PBX1: variants seen among roughly 807,000 people sequenced by gnomAD.
PBX1 encodes pre-B-cell leukemia transcription factor 1.
Under a neutral mutation model 53.4 loss-of-function variants are expected in PBX1, and 6 were observed. The observed-to-expected ratio is 0.11, with a 90% CI of 0.06 to 0.22. The LOEUF is 0.22. PBX1 is among the 10% of genes least tolerant of loss of function. PBX1 has a pLI of 1.00. For missense variants in PBX1, 251 were observed against 551.4 expected (o/e 0.46, Z 5.46); for synonymous variants, 204 against 212.3 (o/e 0.96, Z 0.34).
chr1:164,571,232 C>T (rs1259983156), intron 2 of PBX1, among the ~76,000 whole-genome samples: 2 of 152,078 alleles, frequency 1.3e-5, no homozygotes, highest in East Asian at 3.9e-4. Context: ...AGTTAGGTGG[C>T]TTTTAGTGTA....
chr1:164,816,328 A>G (rs1038770272), intron 6 of PBX1: 2 of 152,166 alleles, frequency 1.3e-5, no homozygotes, highest in Non-Finnish European at 1.5e-5. Flanking sequence ...GCTTACATCT[A>G]GTAAAAAGGG....
chr1:164,832,757 G>C (rs1172298165), intron 8 of PBX1, among the ~76,000 whole-genome samples: 1 of 152,060 alleles, frequency 6.6e-6, no homozygotes, highest in African/African-American at 2.4e-5. Context: ...GAATAAAATT[G>C]GCAGGAGAGT....
intron 2 of PBX1, among the ~76,000 whole-genome samples, chr1:164,721,747 C>T (rs1339822257): frequency 6.6e-6 from 1 of 152,162 alleles, no homozygotes; most frequent in Admixed American, 6.5e-5. Context: ...CTTGACTCTG[C>T]CCTGTCCAGG....
chr1:164,793,951 T>C (rs1458867125), intron 3 of PBX1, among the ~76,000 whole-genome samples: 2 of 144,592 alleles, frequency 1.4e-5, no homozygotes, highest in East Asian at 2.2e-4. Context: ...CTCTGTTCAC[T>C]GCAACCTCTG....
At chr1:164,786,108 A>G (rs890909019) in intron 2 of PBX1, among the ~76,000 whole-genome samples, 2 of 152,334 alleles carry the variant, frequency 1.3e-5, no homozygotes, top group East Asian at 1.9e-4. Flanking sequence ...AAGAGAGCAC[A>G]TACAGGGAAT....
At chr1:164,738,731 G>A (rs759197924) in intron 2 of PBX1, among the ~76,000 whole-genome samples, 4 of 152,162 alleles carry the variant, frequency 2.6e-5, no homozygotes, top group Non-Finnish European at 5.9e-5. Flanking sequence ...CTGATATATA[G>A]GCTTCCTGTG....
intron 2 of PBX1, among the ~76,000 whole-genome samples, chr1:164,591,011 ATTTT>A (rs34197119): frequency 7.9e-6 from 1 of 126,946 alleles, no homozygotes; most frequent in Non-Finnish European, 1.7e-5. Flanking sequence ...CACTTGGCTA[ATTTT>A]TTTTTTTTTT....
chr1:164,744,552 G>GCT (rs1665794008), intron 2 of PBX1, among the ~76,000 whole-genome samples: 1 of 152,284 alleles, frequency 6.6e-6, no homozygotes, highest in Admixed American at 6.5e-5. Context: ...TTAAGACAGA[G>GCT]GTAGGGTCTC....
intron 2 of PBX1, among the ~76,000 whole-genome samples, chr1:164,596,447 G>T (rs1489691725): frequency 2.0e-5 from 3 of 152,176 alleles, no homozygotes; most frequent in Non-Finnish European, 4.4e-5. Flanking sequence ...TAGAGCAGTG[G>T]TTCTAACCAT....
In PBX1 at chr1:164,559,568, C is replaced by A; in HGVS notation, c.-255C>A. 2.5e-6 allele frequency: 1 copy of A among 396,100 alleles called. No individual in the cohort carries two copies. The allele number at this position is 396,100 out of a possible 1,614,324, so 24.5% of individuals were successfully genotyped here. A position where few individuals can be genotyped will look rare whatever the true frequency, so the allele number is the denominator to read the frequency against. ...CTTGCTTTTTGGAGTCAACACCCTT[C>A]CCCACCAGCCCTTATCCCCACCCTC... On this transcript the variant is annotated 5_prime_UTR_variant, in exon 1 of 9. Transcript: ENST00000420696.
At chr1:164,641,416 C>T (rs1381837539) in intron 2 of PBX1, 2 of 153,154 alleles carry the variant, frequency 1.3e-5, no homozygotes, top group East Asian at 3.9e-4. Flanking sequence ...AGGCCATTTT[C>T]CTGCTTCGGA....
At chr1:164,830,370 T>G (rs1670695952) in intron 8 of PBX1, among the ~76,000 whole-genome samples, 1 of 152,032 alleles carries the variant, frequency 6.6e-6, no homozygotes. Flanking sequence ...GAAAACAGAG[T>G]AGACTTCTTA....
At chr1:164,818,583 G>A (rs1190523813) in intron 6 of PBX1, 3 of 151,860 alleles carry the variant, frequency 2.0e-5, no homozygotes, top group African/African-American at 7.3e-5. Context: ...AAAATAGCTA[G>A]GTTTTTTTTG....
intron 2 of PBX1, among the ~76,000 whole-genome samples, chr1:164,595,183 A>G (rs1326041667): frequency 6.6e-6 from 1 of 152,230 alleles, no homozygotes; most frequent in East Asian, 1.9e-4. Flanking sequence ...TTACTCTACA[A>G]GAAATGGGAT....
At chr1:164,727,248 C>G (rs1343611296) in intron 2 of PBX1, among the ~76,000 whole-genome samples, 1 of 152,218 alleles carries the variant, frequency 6.6e-6, no homozygotes, top group Non-Finnish European at 1.5e-5. Flanking sequence ...CCCTTAATAT[C>G]TGCCTTATGA....
intron 2 of PBX1, chr1:164,590,530 G>A (rs2101768417): frequency 2.2e-6 from 1 of 454,656 alleles, no homozygotes; most frequent in East Asian, 7.0e-5. Context: ...GCCTTAATGA[G>A]GAGGACAACA....
intron 2 of PBX1, among the ~76,000 whole-genome samples, chr1:164,564,174 A>G (rs760513552): frequency 3.9e-5 from 6 of 152,166 alleles, no homozygotes; most frequent in Non-Finnish European, 7.4e-5. Context: ...GATGAGGGAC[A>G]AGGGGTGGTT....
chr1:164,641,202 A>G (rs1362062550), intron 2 of PBX1: 1 of 153,192 alleles, frequency 6.5e-6, no homozygotes, highest in African/African-American at 2.4e-5. Flanking sequence ...GACTTGTGAT[A>G]CTGATTTTAG....
chr1:164,880,425 T>C (rs113554915), intron 2 of PBX1, among the ~76,000 whole-genome samples: 15 of 152,336 alleles, frequency 9.8e-5, no homozygotes, highest in African/African-American at 3.1e-4. Flanking sequence ...TCACAGTGAT[T>C]ATTATGATGC....
Sources: gnomAD v4.1 joint callset for allele counts (sites outside exome capture counted in the v4.1 genomes callset) on GRCh38, gnomAD v4.1.1 for gene constraint, MANE v1.5 for transcripts, NCBI Gene and HGNC (gene_info 2026-07-23, HGNC 2026-07-21) for gene names.